The following CALN1 variants were observed in gnomAD, a reference collection of about 807,000 sequenced individuals.
The protein encoded by CALN1 is calneuron 1.
CALN1 carries 17 observed loss-of-function variants against 30.6 expected under a neutral mutation model. The ratio of observed to expected loss-of-function variants is 0.56; its 90% CI spans 0.38 to 0.83. The LOEUF (loss-of-function observed/expected upper bound fraction) is 0.83, where lower values mean the gene tolerates loss of function less well. CALN1 is among the 40% of genes least tolerant of loss of function. The probability of loss-of-function intolerance (pLI) is 0.00; values close to 1 mark genes in which losing one functional copy is unlikely to be tolerated. For missense variants in CALN1, 291 were observed against 354.9 expected (o/e 0.82, Z 1.45); for synonymous variants, 156 against 131.4 (o/e 1.19, Z -1.28).
intron 3 of CALN1, among the ~76,000 whole-genome samples, chr7:72,171,650 G>A (rs113471506): frequency 6.6e-6 from 1 of 152,238 alleles, no homozygotes; most frequent in African/African-American, 2.4e-5. Context: ...ACTAACATGT[G>A]AAGTAGGAGA....
chr7:72,324,961 T>G (rs1368505877), intron 2 of CALN1, among the ~76,000 whole-genome samples: 1 of 152,206 alleles, frequency 6.6e-6, no homozygotes, highest in Non-Finnish European at 1.5e-5. Context: ...GCTCGACAGA[T>G]GCATTTATCT....
chr7:72,303,669 C>G (rs1799452628), intron 2 of CALN1, among the ~76,000 whole-genome samples: 1 of 152,148 alleles, frequency 6.6e-6, no homozygotes, highest in African/African-American at 2.4e-5. Context: ...CTCGCCCTCC[C>G]TCCTTCACTC....
At chr7:71,951,461 C>T (rs1025705781) in intron 5 of CALN1, among the ~76,000 whole-genome samples, 17 of 152,168 alleles carry the variant, frequency 1.1e-4, no homozygotes, top group Non-Finnish European at 2.4e-4. Flanking sequence ...CATGATGGTG[C>T]GTGCCCGTAA....
intron 5 of CALN1, among the ~76,000 whole-genome samples, chr7:72,015,551 C>T (rs1800330776): frequency 6.6e-6 from 1 of 151,948 alleles, no homozygotes; most frequent in Admixed American, 6.6e-5. Context: ...ACAATGTCCT[C>T]ACCTCAGCCT....
the CALN1 span, among the ~76,000 whole-genome samples, chr7:72,484,073 GT>G: frequency 1.3e-5 from 2 of 151,978 alleles, no homozygotes; most frequent in Non-Finnish European, 2.9e-5. Context: ...TACAATACTT[GT>G]TTTAATGTCC....
At chr7:72,336,838 C>A in intron 2 of CALN1, 1 of 985,108 alleles carries the variant, frequency 1.0e-6, no homozygotes, top group Non-Finnish European at 1.2e-6. Context: ...GCCTCTCGCT[C>A]ACACCCCCAG....
At chr7:72,233,287 C>A (rs1169030813) in intron 3 of CALN1, among the ~76,000 whole-genome samples, 1 of 150,920 alleles carries the variant, frequency 6.6e-6, no homozygotes, top group African/African-American at 2.4e-5. Flanking sequence ...GGAAAAAAAG[C>A]AACCCCAAGG....
intron 1 of CALN1, among the ~76,000 whole-genome samples, chr7:72,411,792 ACT>A (rs1807170709): frequency 6.7e-6 from 1 of 149,418 alleles, no homozygotes; most frequent in Non-Finnish European, 1.5e-5. Context: ...TAAAGTAATT[ACT>A]CTTTTAAAGT....
At chr7:72,335,911 G>A (rs1801994245) in intron 2 of CALN1, among the ~76,000 whole-genome samples, 1 of 152,264 alleles carries the variant, frequency 6.6e-6, no homozygotes, top group Non-Finnish European at 1.5e-5. Flanking sequence ...CTGCCTAGGC[G>A]CCCTCGGACC....
chr7:72,350,369 T>C (rs1377825946), intron 2 of CALN1, among the ~76,000 whole-genome samples: 2 of 152,076 alleles, frequency 1.3e-5, no homozygotes, highest in Admixed American at 1.3e-4. Flanking sequence ...AGTAAAGATA[T>C]GGAATGAACC....
chr7:71,882,956 CCCTCCA>C (rs1329573148), intron 5 of CALN1, among the ~76,000 whole-genome samples: 1 of 151,930 alleles, frequency 6.6e-6, no homozygotes, highest in Non-Finnish European at 1.5e-5. Flanking sequence ...TTCAAGCAAT[CCCTCCA>C]CCTCCACCTC....
chr7:71,971,953 A>AAAAAAAG (rs1797839188), intron 5 of CALN1, among the ~76,000 whole-genome samples: 5 of 72,836 alleles, frequency 6.9e-5, no homozygotes, highest in Non-Finnish European at 1.1e-4. Context: ...AAAAAAAAAA[A>AAAAAAAG]AAAGAAAGAA....
intron 5 of CALN1, among the ~76,000 whole-genome samples, chr7:71,960,497 G>T (rs1797195483): frequency 6.6e-6 from 1 of 152,214 alleles, no homozygotes; most frequent in Non-Finnish European, 1.5e-5. Flanking sequence ...TGCTGCAGAA[G>T]ATAATGATTG....
At chr7:72,358,954 ACT>A (rs529209577) in intron 2 of CALN1, among the ~76,000 whole-genome samples, 2 of 141,808 alleles carry the variant, frequency 1.4e-5, no homozygotes, top group South Asian at 4.6e-4. Context: ...ACAAGGTGAG[ACT>A]CTACCTCAAA....
At chr7:72,228,677 G>A (rs1229091953) in intron 3 of CALN1, among the ~76,000 whole-genome samples, 4 of 151,832 alleles carry the variant, frequency 2.6e-5, no homozygotes, top group Non-Finnish European at 5.9e-5. Context: ...ATGGAAAGAA[G>A]GTGCTTAATG....
intron 2 of CALN1, among the ~76,000 whole-genome samples, chr7:72,313,486 G>A (rs1800205124): frequency 6.6e-6 from 1 of 152,068 alleles, no homozygotes; most frequent in South Asian, 2.1e-4. Context: ...ATGGCTCCAG[G>A]GCTCAAGCGA....
At chr7:72,234,258 G>C (rs1368186309) in intron 3 of CALN1, among the ~76,000 whole-genome samples, 1 of 152,042 alleles carries the variant, frequency 6.6e-6, no homozygotes, top group African/African-American at 2.4e-5. Context: ...ATGTCAACAA[G>C]AGAAGACAAG....
At chr7:72,402,595 CTT>C (rs765864624) in intron 2 of CALN1, among the ~76,000 whole-genome samples, 37 of 152,286 alleles carry the variant, frequency 2.4e-4, no homozygotes, top group Middle Eastern at 3.4e-3. Flanking sequence ...TGAAATTCCT[CTT>C]GAGTTTGTAT....
intron 2 of CALN1, among the ~76,000 whole-genome samples, chr7:72,342,515 C>G (rs1360530834): frequency 1.3e-5 from 2 of 152,264 alleles, no homozygotes; most frequent in East Asian, 3.9e-4. Context: ...CAACATGGAA[C>G]AAAATGAACA....
Sources: allele counts gnomAD v4.1 joint callset (sites outside exome capture counted in the v4.1 genomes callset), GRCh38; gene constraint gnomAD v4.1.1; transcripts MANE v1.5; gene names NCBI Gene and HGNC (gene_info 2026-07-23, HGNC 2026-07-21).